Variants in ANTXR1 observed in about 807,000 individuals in gnomAD.
ANTXR1 encodes anthrax toxin receptor 1.
In ANTXR1, 19 loss-of-function variants were observed where a neutral mutation model predicts 78.1. The ratio of observed to expected loss-of-function variants is 0.24; its 90% confidence interval spans 0.17 to 0.36. The LOEUF is 0.36. Ranked by LOEUF, ANTXR1 falls within the 10% of genes least tolerant of loss-of-function variation. The probability of loss-of-function intolerance (pLI) is 1.00; values close to 1 mark genes in which losing one functional copy is unlikely to be tolerated. For missense variants in ANTXR1, 518 were observed against 718.6 expected (o/e 0.72, Z 3.19); for synonymous variants, 273 against 260.5 (o/e 1.05, Z -0.46).
intron 1 of ANTXR1, among the ~76,000 whole-genome samples, chr2:69,037,780 T>G (rs1184939972): frequency 6.6e-6 from 1 of 152,144 alleles, no homozygotes; most frequent in Non-Finnish European, 1.5e-5. Context: ...ACCTGAGTCT[T>G]GAATGAAGAG....
chr2:69,167,385 C>G (rs1375107750), intron 13 of ANTXR1, among the ~76,000 whole-genome samples: 3 of 152,220 alleles, frequency 2.0e-5, no homozygotes, highest in African/African-American at 7.2e-5. Context: ...CAAGCTGCTC[C>G]TCCAGGCAAC....
chr2:69,099,085 A>G (rs1671524539), intron 9 of ANTXR1, among the ~76,000 whole-genome samples: 1 of 151,966 alleles, frequency 6.6e-6, no homozygotes, highest in Non-Finnish European at 1.5e-5. Context: ...CCAAGAAGAA[A>G]CCCTATACCC....
chr2:69,048,628 C>A lies in ANTXR1; in HGVS notation c.296+3815C>A, dbSNP rs114149479. ...CTGTGTAATAATCTTTTACCAACAA[C>A]TTGAACAGTTAAACTCTTTGCTAGG... On this transcript the variant is annotated intron_variant, in intron 3 of 17. Coordinates refer to ENST00000303714, the MANE Select transcript of ANTXR1 (RefSeq NM_032208.3). Among the ~76,000 whole-genome samples, 1,270 of 152,286 alleles carry A rather than the reference C, an allele frequency of 8.3e-3. 9 individuals carry two copies. The highest frequency in any genetic ancestry group is 0.017 in the South Asian group (80 of 4,824).
chr2:69,016,340 G>A (rs997849764), intron 1 of ANTXR1, among the ~76,000 whole-genome samples: 1 of 152,172 alleles, frequency 6.6e-6, no homozygotes, highest in Non-Finnish European at 1.5e-5. Flanking sequence ...CATATAAAAT[G>A]CTTTTAAAAA....
At chr2:69,055,112 G>A (rs567759520) in intron 3 of ANTXR1, among the ~76,000 whole-genome samples, 2 of 152,228 alleles carry the variant, frequency 1.3e-5, no homozygotes, top group South Asian at 4.2e-4. Context: ...TTACTATTGT[G>A]GTTGTTGTTA....
chr2:69,037,358 C>T (rs1669471140), intron 1 of ANTXR1, among the ~76,000 whole-genome samples: 1 of 152,154 alleles, frequency 6.6e-6, no homozygotes, highest in African/African-American at 2.4e-5. Flanking sequence ...GGGATGCTGA[C>T]AGAGAGGTGG....
intron 3 of ANTXR1, among the ~76,000 whole-genome samples, chr2:69,068,666 G>A (rs1670474976): frequency 6.6e-6 from 1 of 152,202 alleles, no homozygotes; most frequent in Admixed American, 6.5e-5. Context: ...TATAATCCCA[G>A]GTGTAATGGG....
At chr2:69,137,479 G>A (rs1469826079) in intron 12 of ANTXR1, among the ~76,000 whole-genome samples, 1 of 152,076 alleles carries the variant, frequency 6.6e-6, no homozygotes, top group Non-Finnish European at 1.5e-5. Flanking sequence ...TAGTCTTTTG[G>A]GTTGAGCACC....
At position 69,235,046 on chromosome 2, in the gene ANTXR1, G is replaced by A. The variant is rs1190424749; in HGVS notation, c.1435-10179G>A. On this transcript the variant is annotated intron_variant, in intron 17 of 17. Transcript: ENST00000303714. ...TTTTTTTTTTTTTTTTTTTTGAGAC[G>A]GAGTTTCACTCTTGTTGCCCAGGCT... Among the ~76,000 whole-genome samples the A allele has an allele frequency of 1.9e-4, 24 of 125,578 alleles. No homozygotes were observed. In the South Asian group the frequency reaches 3.3e-3, roughly 17 times the overall value. The allele number at this position is 125,578 out of a possible 152,430, so 82.4% of individuals were successfully genotyped here.
chr2:69,150,172 C>T (rs888655146), intron 12 of ANTXR1, among the ~76,000 whole-genome samples: 3 of 152,224 alleles, frequency 2.0e-5, no homozygotes, highest in Non-Finnish European at 4.4e-5. Flanking sequence ...CCAGCAGCCC[C>T]TGCTGAGCAC....
chr2:69,021,468 C>T (rs1280965114), intron 1 of ANTXR1, among the ~76,000 whole-genome samples: 3 of 152,182 alleles, frequency 2.0e-5, no homozygotes. Context: ...CAGCAGGGCT[C>T]TTCTTATGGT....
chr2:69,093,569 A>G (rs751334127), intron 9 of ANTXR1, among the ~76,000 whole-genome samples: 7 of 152,230 alleles, frequency 4.6e-5, no homozygotes, highest in Admixed American at 2.6e-4. Flanking sequence ...TCATCAAGTG[A>G]AAAAGAAAAA....
chr2:69,157,264 TCTCTTTC>T (rs1673553581), intron 13 of ANTXR1, among the ~76,000 whole-genome samples: 1 of 151,988 alleles, frequency 6.6e-6, no homozygotes, highest in Admixed American at 6.6e-5. Context: ...CCTCATGGGC[TCTCTTTC>T]CTCTGCTTGC....
intron 10 of ANTXR1, among the ~76,000 whole-genome samples, chr2:69,107,764 A>G (rs1231731710): frequency 6.6e-6 from 1 of 152,168 alleles, no homozygotes; most frequent in Non-Finnish European, 1.5e-5. Flanking sequence ...CATATAGCAA[A>G]AGTTACTGAT....
At position 69,182,478 on chromosome 2, in the gene ANTXR1, T is replaced by C. The variant is rs749093498; in HGVS notation, c.1186-15T>C. The C allele has an allele frequency of 6.2e-7, 1 of 1,614,136 alleles. No homozygotes were observed. The highest frequency in any genetic ancestry group is 8.5e-7 in the Non-Finnish European group (1 of 1,179,990). On this transcript the variant is annotated splice_polypyrimidine_tract_variant and intron_variant, in intron 15 of 17. Transcript: ENST00000303714. ...TATTTTGTCATTTCATTTCATTGTA[T>C]TTTGTTTATTTTAGGTTCGTTGGGG...
At chr2:69,111,940 C>T (rs534700694) in intron 10 of ANTXR1, among the ~76,000 whole-genome samples, 1 of 151,518 alleles carries the variant, frequency 6.6e-6, no homozygotes, top group Admixed American at 6.6e-5. Context: ...ATAAACTTCC[C>T]AAAAAAAAGC....
intron 17 of ANTXR1, among the ~76,000 whole-genome samples, chr2:69,216,915 C>T (rs1675192879): frequency 6.6e-6 from 1 of 152,210 alleles, no homozygotes; most frequent in South Asian, 2.1e-4. Context: ...TCTCTGGGTG[C>T]TGCCTGTTCA....
chr2:69,231,310 C>G (rs899116842), intron 17 of ANTXR1, among the ~76,000 whole-genome samples: 2 of 152,132 alleles, frequency 1.3e-5, no homozygotes, highest in East Asian at 3.8e-4. Context: ...CCAGTTATCC[C>G]ATCTTTCTCC....
At chr2:69,114,169 A>G (rs1428711422) in intron 10 of ANTXR1, among the ~76,000 whole-genome samples, 1 of 152,220 alleles carries the variant, frequency 6.6e-6, no homozygotes, top group Non-Finnish European at 1.5e-5. Flanking sequence ...CAAGACATTA[A>G]TTTTACCACT....
Sources: allele counts gnomAD v4.1 joint callset (sites outside exome capture counted in the v4.1 genomes callset), GRCh38; gene constraint gnomAD v4.1.1; transcripts MANE v1.5; gene names NCBI Gene and HGNC (gene_info 2026-07-23, HGNC 2026-07-21).